Variants in CHD5 observed in about 807,000 individuals in gnomAD.
CHD5 encodes ATP-dependent chromatin remodeler CHD5.
CHD5 carries 69 observed loss-of-function variants against 230.3 expected under a neutral mutation model. That is an observed-to-expected ratio of 0.30 (90% CI 0.25 to 0.37). The LOEUF (loss-of-function observed/expected upper bound fraction) is 0.37, where lower values mean the gene tolerates loss of function less well. Among genes scored for constraint, CHD5 ranks in the 10% least tolerant of loss-of-function variants. CHD5 has a pLI of 1.00. For synonymous variants in CHD5, 1,064 were observed against 1,065.9 expected, an observed-to-expected ratio of 1.00 and a Z score of 0.03; for missense variants, 1,827 against 2,622.8, an observed-to-expected ratio of 0.70 and a Z score of 6.63.
chr1:6,141,321 A>C (rs1307687350), intron 15 of CHD5, among the ~76,000 whole-genome samples: 1 of 148,886 alleles, frequency 6.7e-6, no homozygotes, highest in Non-Finnish European at 1.5e-5. Context: ...TAATAATAAT[A>C]ATAATTAGTT....
At position 6,124,048 on chromosome 1, in the gene CHD5, C is replaced by G. The variant is rs779286240; in HGVS notation, c.4599G>C (p.Gly1533=). The G allele has an allele frequency of 6.2e-7, 1 of 1,613,318 alleles. No individual in the cohort carries two copies. Among genetic ancestry groups the G allele is most frequent in the Non-Finnish European group, 8.5e-7 (1 of 1,179,716 alleles). ...KYSTPDLIPE[G]PEGKKSGEVI... is the part of the protein sequence containing the mutation. ...CCTCGCCCGACTTCTTCCCCTCGGG[C>G]CCCTCAGGGATCAAGTCTGGGGTGC... Residue 1533 remains glycine, a synonymous_variant, in exon 31 of 42, where the codon GGG becomes GGC. Transcript: ENST00000262450.
At position 6,125,765 on chromosome 1, in the gene CHD5, C is replaced by T. The variant is rs2100843382; in HGVS notation, c.4171+1G>A. 6.2e-7 allele frequency: 1 copy of T among 1,612,116 alleles called. No homozygotes were observed. Among genetic ancestry groups the T allele is most frequent in the Non-Finnish European group, 8.5e-7 (1 of 1,178,228 alleles). ...CCCAGACCACTAACACTGAGACTCA[C>T]TCTGCCCTTCCGGCCTCTCTTCAAA... On this transcript the variant is annotated splice_donor_variant, in intron 27 of 41. Coordinates refer to ENST00000262450, the MANE Select transcript of CHD5 (RefSeq NM_015557.3). LOFTEE classifies it high-confidence loss of function. This position sits in a 1 kb window ranked among gnomAD's most constrained non-coding sequence, Gnocchi z 6.7.
chr1:6,157,203 A>G (rs1310530186), intron 3 of CHD5, among the ~76,000 whole-genome samples: 1 of 152,172 alleles, frequency 6.6e-6, no homozygotes, highest in Non-Finnish European at 1.5e-5. Flanking sequence ...CTCCTAGGCC[A>G]AAGTCTGGTC....
intron 15 of CHD5, among the ~76,000 whole-genome samples, chr1:6,138,974 C>A (rs1357506055): frequency 1.3e-5 from 2 of 152,218 alleles, no homozygotes; most frequent in Non-Finnish European, 2.9e-5. Flanking sequence ...GCATGAACCT[C>A]AAGGACATTC....
At position 6,158,778 on chromosome 1, in the gene CHD5, C is replaced by T. The variant is rs541620479; in HGVS notation, c.387+558G>A. On this transcript the variant is annotated intron_variant, in intron 3 of 41. Transcript: ENST00000262450. ...ATCCCAGCACTTTGGGAGGCCGAGG[C>T]GGGCGGATCACGAGGTCAGGAGATC... 5.9e-5 allele frequency among the ~76,000 whole-genome samples: 9 copies of T among 152,096 alleles called. 1 individual carries two copies. Among genetic ancestry groups the T allele is most frequent in the South Asian group, 2.1e-4 (1 of 4,812 alleles).
At chr1:6,122,532 T>C (rs1007408799) in intron 31 of CHD5, among the ~76,000 whole-genome samples, 2 of 152,098 alleles carry the variant, frequency 1.3e-5, no homozygotes, top group South Asian at 4.2e-4. Flanking sequence ...CGCACAATAC[T>C]AGCAGGAATG....
intron 31 of CHD5, among the ~76,000 whole-genome samples, chr1:6,122,294 A>C (rs952493573): frequency 1.3e-5 from 2 of 152,256 alleles, no homozygotes; most frequent in Non-Finnish European, 2.9e-5. Flanking sequence ...CTAGATCACC[A>C]AAGTGACACG....
chr1:6,124,066 T>C lies in CHD5; in HGVS notation c.4581A>G (p.Pro1527=). 1 of 1,613,082 alleles carries C rather than the reference T, an allele frequency of 6.2e-7. No homozygotes were observed. Among genetic ancestry groups the C allele is most frequent in the Non-Finnish European group, 8.5e-7 (1 of 1,179,722 alleles). The change falls in exon 31 of 42, where the codon CCA becomes CCG. Residue 1527 remains proline (P), a synonymous_variant. Transcript: ENST00000262450. ...CCTCGGGCCCCTCAGGGATCAAGTC[T>C]GGGGTGCTGTACTTCCCGTTGACAT... The part of the protein sequence containing the change: ...FEHVNGKYST[P]DLIPEGPEGK...
chr1:6,171,106 C>T (rs1054526738), intron 1 of CHD5, among the ~76,000 whole-genome samples: 1 of 152,238 alleles, frequency 6.6e-6, no homozygotes, highest in Non-Finnish European at 1.5e-5. Context: ...GGAAACCCAG[C>T]CCAGCACATG....
At position 6,160,862 on chromosome 1, in the gene CHD5, G is replaced by A. The variant is rs558064489; in HGVS notation, c.208-1347C>T. 6.6e-5 allele frequency among the ~76,000 whole-genome samples: 10 copies of A among 152,364 alleles called. No homozygotes were observed. In the East Asian group the frequency reaches 1.4e-3, roughly 21 times the overall value. ...CAGAGCACCCCACCAGAGAGGTGCT[G>A]CCCCTCGGAGAAAGTGGTTTACTTG... On this transcript the variant is annotated intron_variant, in intron 2 of 41. Transcript: ENST00000262450.
In CHD5 at chr1:6,158,024, C is replaced by T. The variant is rs114549118; in HGVS notation, c.387+1312G>A. 6.0e-3 allele frequency among the ~76,000 whole-genome samples: 914 copies of T among 152,254 alleles called. 7 individuals carry two copies. Among genetic ancestry groups the T allele is most frequent in the African/African-American group, 0.021 (869 of 41,530 alleles). On this transcript the variant is annotated intron_variant, in intron 3 of 41. Coordinates refer to ENST00000262450, the MANE Select transcript of CHD5 (RefSeq NM_015557.3). ...AGCAACTGTACTAATATTTACAGAG[C>T]GTTTATCTTTAAATCTGTGACCAGC...
rs749962193 is a variant in CHD5 at position 6,106,640 on chromosome 1, G to A, written c.5718C>T (p.Arg1906=). 73 of 1,595,364 alleles carry A rather than the reference G, an allele frequency of 4.6e-5. No homozygotes were observed. Among genetic ancestry groups the A allele is most frequent in the Middle Eastern group, 3.3e-4 (2 of 5,976 alleles). Residue 1906 remains arginine (R), a synonymous_variant, in exon 39 of 42, where the codon CGC becomes CGT. Coordinates refer to ENST00000262450, the MANE Select transcript of CHD5 (RefSeq NM_015557.3). ...CCTGCTGGATGGTGGGGTCCCCGGC[G>A]CGGTTGGTCAGGCGGCTCAGGATGC... ...ERSILSRLTN[R]AGDPTIQQGA...
chr1:6,119,016 T>C (rs1666421342), intron 33 of CHD5, among the ~76,000 whole-genome samples: 1 of 150,296 alleles, frequency 6.7e-6, no homozygotes, highest in South Asian at 2.1e-4. Flanking sequence ...ATACTTTAAA[T>C]GGCTCAACTG....
chr1:6,106,313 C>T (rs747726436), intron 40 of CHD5, 26 bp from the exon 41 acceptor site: 3 of 1,612,760 alleles, frequency 1.9e-6, no homozygotes, highest in East Asian at 2.2e-5. Flanking sequence ...GAGAGCCGGG[C>T]TTGCCTGACG....
Position 6,129,155 on chromosome 1 carries a change from G to A in CHD5, c.3388-86C>T. ...TCACACCCATGAGCTCAAGAGCATG[G>A]AATGGGCTGCATGACTGTGTAGGGA... On this transcript the variant is annotated intron_variant, in intron 22 of 41. Coordinates refer to ENST00000262450, the MANE Select transcript of CHD5 (RefSeq NM_015557.3). The surrounding 1 kb of genome is among the most constrained non-coding windows in gnomAD (Gnocchi z 6.8). The A allele has an allele frequency of 2.2e-6, 2 of 906,100 alleles. No individual in the cohort carries two copies. The highest frequency in any genetic ancestry group is 3.5e-6 in the Non-Finnish European group (2 of 579,482). The allele number at this position is 906,100 out of a possible 1,614,324, so 56.1% of individuals were successfully genotyped here.
chr1:6,128,282 G>A lies in CHD5; in HGVS notation c.3731-64C>T, dbSNP rs1334183592. 19 of 1,524,930 alleles carry A rather than the reference G, an allele frequency of 1.2e-5. No individual in the cohort carries two copies. Among genetic ancestry groups the A allele is most frequent in the African/African-American group, 4.1e-5 (3 of 73,516 alleles). 94.5% of individuals were successfully genotyped at this position (1,524,930 alleles called of 1,614,324 possible). The stretch of plus-strand genomic sequence containing the variant: ...CCCTGGTCCAGCCCCGGGGTCCCAG[G>A]AACAGACTCCCAACAATGGCCCTTC... On this transcript the variant is annotated intron_variant, in intron 24 of 41. Coordinates refer to ENST00000262450, the MANE Select transcript of CHD5 (RefSeq NM_015557.3). The surrounding 1 kb of genome is among the most constrained non-coding windows in gnomAD (Gnocchi z 7.8).
chr1:6,176,877 C>T (rs2100891104), intron 1 of CHD5, among the ~76,000 whole-genome samples: 1 of 152,308 alleles, frequency 6.6e-6, no homozygotes, highest in Non-Finnish European at 1.5e-5. Context: ...CCCCTGGCTT[C>T]AACCAGCCAC....
In CHD5 at chr1:6,125,393, C is replaced by A; in HGVS notation, c.4260+131G>T. ...TGGGGCAGGACCCTGACGGCGAAGA[C>A]CAGACCAAGTTCTGTCCAAGCTCCG... is the stretch of plus-strand genomic sequence containing the variant. On this transcript the variant is annotated intron_variant, in intron 28 of 41. Coordinates refer to ENST00000262450, the MANE Select transcript of CHD5 (RefSeq NM_015557.3). The surrounding 1 kb of genome is among the most constrained non-coding windows in gnomAD (Gnocchi z 6.7). The A allele has an allele frequency of 2.4e-6, 3 of 1,262,506 alleles. No homozygotes were observed. The highest frequency in any genetic ancestry group is 2.2e-6 in the Non-Finnish European group (2 of 908,350). 78.2% of individuals were successfully genotyped at this position (1,262,506 alleles called of 1,614,324 possible).
Position 6,154,907 on chromosome 1 carries a change from G to A in CHD5, c.507-9C>T, listed in dbSNP as rs754155982. 4 of 1,611,112 alleles carry A rather than the reference G, an allele frequency of 2.5e-6. No homozygotes were observed. Among genetic ancestry groups the A allele is most frequent in the South Asian group, 1.1e-5 (1 of 90,750 alleles). On this transcript the variant is annotated splice_polypyrimidine_tract_variant and intron_variant, in intron 4 of 41. Transcript: ENST00000262450. The surrounding 1 kb of genome is among the most constrained non-coding windows in gnomAD (Gnocchi z 7.0). The stretch of plus-strand genomic sequence containing the variant: ...TCTTGGCAATGAGTGGCCTGTAGGG[G>A]GAGAGGCAGGAGGGTGAGGGCAAGG...
Sources: gnomAD v4.1 joint callset for allele counts (sites outside exome capture counted in the v4.1 genomes callset) on GRCh38, gnomAD v4.1.1 for gene constraint, Gnocchi (gnomAD v3.1) non-coding constraint, MANE v1.5 for transcripts, NCBI Gene and HGNC (gene_info 2026-07-23, HGNC 2026-07-21) for gene names.